CCZ1B: variants seen among roughly 807,000 people sequenced by gnomAD.
CCZ1B encodes CCZ1B vacuolar protein trafficking and biogenesis associated.
CCZ1B carries 25 observed loss-of-function variants against 58.8 expected under a neutral mutation model. The observed-to-expected ratio is 0.43, with a 90% CI of 0.31 to 0.59. The LOEUF (loss-of-function observed/expected upper bound fraction) is 0.59. Among genes scored for constraint, CCZ1B ranks in the 20% least tolerant of loss-of-function variants. The pLI, the probability that CCZ1B is intolerant of heterozygous loss-of-function variation, is 0.12. For synonymous variants in CCZ1B, 66 were observed against 173.2 expected (o/e 0.38, Z 4.86); for missense variants, 180 against 501.5 (o/e 0.36, Z 6.12).
Position 6,818,589 on chromosome 7 carries a change from CAGACAGAA to C in CCZ1B, c.698+1169_698+1176del, listed in dbSNP as rs1253688651. Among the ~76,000 whole-genome samples, 737 of 109,294 alleles carry C rather than the reference CAGACAGAA, an allele frequency of 6.7e-3. 71 individuals carry two copies. Among genetic ancestry groups the C allele is most frequent in the African/African-American group, 0.025 (699 of 27,896 alleles). 71.7% of individuals were successfully genotyped at this position (109,294 alleles called of 152,430 possible). A position where few individuals can be genotyped will look rare whatever the true frequency, so the allele number is the denominator to read the frequency against. ...ACAGAAAGAAAGACAGAAAGAAAGA[CAGACAGAA>C]AGAAAGAAAGAAAGAAAGACAAGAA... On this transcript the variant is annotated intron_variant, in intron 7 of 14. Transcript: ENST00000316731.
intron 7 of CCZ1B, among the ~76,000 whole-genome samples, chr7:6,819,459 C>T (rs1212357346): frequency 6.7e-6 from 1 of 149,016 alleles, no homozygotes; most frequent in Non-Finnish European, 1.5e-5. Flanking sequence ...TGGTCTCCAA[C>T]TCCTGACCTC....
intron 7 of CCZ1B, among the ~76,000 whole-genome samples, chr7:6,815,385 A>C (rs1211331498): frequency 6.7e-6 from 1 of 148,640 alleles, no homozygotes; most frequent in East Asian, 1.9e-4. Context: ...CTGGTTTCGA[A>C]CTCCTGGACT....
intron 7 of CCZ1B, among the ~76,000 whole-genome samples, chr7:6,817,354 C>T (rs1224366523): frequency 6.6e-6 from 1 of 151,302 alleles, no homozygotes; most frequent in Non-Finnish European, 1.5e-5. Context: ...AGCCTTCCCT[C>T]TTCCTCACTC....
At chr7:6,819,428 G>A (rs540061996) in intron 7 of CCZ1B, among the ~76,000 whole-genome samples, 1 of 148,638 alleles carries the variant, frequency 6.7e-6, no homozygotes, top group East Asian at 1.9e-4. Context: ...TAGAGACAGG[G>A]TTTCACTATG....
rs142195264 is a variant in CCZ1B at position 6,819,913 on chromosome 7, C to T, written c.551G>A (p.Cys184Tyr). The change falls in exon 7 of 15, where the codon TGT becomes TAT. Residue 184 changes from cysteine (C) to tyrosine (Y), a missense_variant. By Grantham distance (194) the Cys-to-Tyr change is radical. Transcript: ENST00000316731. ...TCCACCAAAAATGTCAAGTAGGTCA[C>T]ATGACTGCAAATGTAGCGTTTGCAA... Reference protein sequence around the residue: ...RYLQTLHLQSCDLLDIFGGIS... With the variant: ...RYLQTLHLQSYDLLDIFGGIS... 249 of 1,605,536 alleles carry T rather than the reference C, an allele frequency of 1.6e-4. 17 individuals carry two copies. In the African/African-American group the frequency reaches 3.2e-3, roughly 20 times the overall value.
intron 9 of CCZ1B, chr7:6,812,349 T>C (rs1280377325): frequency 5.1e-6 from 2 of 389,102 alleles, no homozygotes; most frequent in South Asian, 2.3e-5. Context: ...ATTAGCTGGT[T>C]CTGGTGGTGG....
At position 6,820,024 on chromosome 7, in the gene CCZ1B, C is replaced by T. The variant is rs535052034; in HGVS notation, c.523-83G>A. 2.9e-4 allele frequency: 367 copies of T among 1,262,808 alleles called. 2 individuals carry two copies. In the East Asian group the frequency reaches 8.0e-3, roughly 28 times the overall value. 78.2% of individuals were successfully genotyped at this position (1,262,808 alleles called of 1,614,324 possible). ...TTGATAACTGAAAATAATCTTATGT[C>T]AGACTCACATTTATGGTACAATTAC... On this transcript the variant is annotated intron_variant, in intron 6 of 14. Transcript: ENST00000316731.
At chr7:6,816,027 G>A (rs1171048275) in intron 7 of CCZ1B, among the ~76,000 whole-genome samples, 1 of 147,022 alleles carries the variant, frequency 6.8e-6, no homozygotes, top group Non-Finnish European at 1.5e-5. Flanking sequence ...AGAAAAACAA[G>A]CTTTCAGGCA....
intron 7 of CCZ1B, among the ~76,000 whole-genome samples, chr7:6,817,337 T>A (rs1029479940): frequency 6.6e-6 from 1 of 151,418 alleles, no homozygotes; most frequent in Non-Finnish European, 1.5e-5. Context: ...GAAGACCCTC[T>A]GCTCTAAGCC....
chr7:6,813,740 A>C (rs1455529915), intron 8 of CCZ1B, among the ~76,000 whole-genome samples: 1 of 149,656 alleles, frequency 6.7e-6, no homozygotes, highest in East Asian at 1.9e-4. Context: ...CCAGGTAGGC[A>C]CTAAAACATC....
chr7:6,824,129 T>C lies in CCZ1B; in HGVS notation c.350A>G (p.Asp117Gly), dbSNP rs1247514712. ...TTGATATTCAATAACTGGTTTTCCA[T>C]CTTTACTCTGTTTTTCAATTATAGG... ...RNPIIEKQSK[D>G]GKPVIEYQEE... Residue 117 changes from aspartate (D) to glycine (G), a missense_variant, in exon 4 of 15, where the codon GAT (aspartate) becomes GGT (glycine). Physicochemically the swap from Asp to Gly is moderately conservative, Grantham distance 94. Coordinates refer to ENST00000316731, the MANE Select transcript of CCZ1B (RefSeq NM_198097.5). 5 of 1,495,720 alleles carry C rather than the reference T, an allele frequency of 3.3e-6. No individual in the cohort carries two copies. The highest frequency in any genetic ancestry group is 4.5e-6 in the Non-Finnish European group (5 of 1,111,800). The allele number at this position is 1,495,720 out of a possible 1,614,324, so 92.7% of individuals were successfully genotyped here.
chr7:6,817,943 G>A (rs1583554856), intron 7 of CCZ1B, among the ~76,000 whole-genome samples: 2 of 148,842 alleles, frequency 1.3e-5, no homozygotes, highest in South Asian at 4.3e-4. Context: ...GGCAGGGGTT[G>A]CAGCAAGCCA....
intron 7 of CCZ1B, among the ~76,000 whole-genome samples, chr7:6,817,720 GA>G (rs1783028913): frequency 6.7e-6 from 1 of 149,816 alleles, no homozygotes; most frequent in Non-Finnish European, 1.5e-5. Flanking sequence ...TGTCAAATTA[GA>G]AAGTAGGTGG....
chr7:6,822,735 G>GCT (rs10677697), intron 5 of CCZ1B, among the ~76,000 whole-genome samples: 43,038 of 107,582 alleles, frequency 0.4, 9,560 homozygotes, highest in South Asian at 0.73. Context: ...ATGGAATCTC[G>GCT]CTGTTGCCCA....
intron 6 of CCZ1B, among the ~76,000 whole-genome samples, chr7:6,821,080 C>G (rs1235102140): frequency 1.4e-5 from 2 of 146,856 alleles, no homozygotes; most frequent in Admixed American, 1.3e-4. Flanking sequence ...GCGATCTCGG[C>G]TCACTGCAAC....
In CCZ1B at chr7:6,819,915, T is replaced by G. The variant is rs1298385309; in HGVS notation, c.549A>C (p.Ser183=). The change falls in exon 7 of 15, where the codon TCA becomes TCC. Residue 183 remains serine (S), a synonymous_variant. Transcript: ENST00000316731. ...CACCAAAAATGTCAAGTAGGTCACA[T>G]GACTGCAAATGTAGCGTTTGCAAAT... ...HRYLQTLHLQ[S]CDLLDIFGGI... 3 of 1,605,822 alleles carry G rather than the reference T, an allele frequency of 1.9e-6. No individual in the cohort carries two copies. Among genetic ancestry groups the G allele is most frequent in the East Asian group, 4.5e-5 (2 of 44,856 alleles).
In CCZ1B at chr7:6,824,674, C is replaced by T. The variant is rs1161177839; in HGVS notation, c.184G>A (p.Val62Ile). Residue 62 changes from valine to isoleucine, a missense_variant, in exon 2 of 15, where the codon GTC becomes ATC. Physicochemically the swap from Val to Ile is conservative, Grantham distance 29 (BLOSUM62 3). Transcript: ENST00000316731. Reference sequence around the variant, plus strand: ...TGTACAATAGCTTCACACAATCCGACATTTCTAATCTTCTCATTCTTTTCT... The same window carrying T: ...TGTACAATAGCTTCACACAATCCGATATTTCTAATCTTCTCATTCTTTTCT... ...EVEKNEKIRN[V>I]GLCEAIVQFT... 1 of 1,610,248 alleles carries T rather than the reference C, an allele frequency of 6.2e-7. No individual in the cohort carries two copies. Among genetic ancestry groups the T allele is most frequent in the Non-Finnish European group, 8.5e-7 (1 of 1,179,212 alleles).
At chr7:6,819,985 G>C (rs1361753078) in intron 6 of CCZ1B, 44 bp from the exon 7 acceptor site, 2 of 1,517,606 alleles carry the variant, frequency 1.3e-6, no homozygotes, top group Admixed American at 1.8e-5. Flanking sequence ...ATAGTACACT[G>C]AATATAATGC....
chr7:6,817,529 C>T lies in CCZ1B; in HGVS notation c.698+2237G>A, dbSNP rs143359878. Among the ~76,000 whole-genome samples, 17 of 149,870 alleles carry T rather than the reference C, an allele frequency of 1.1e-4. No homozygotes were observed. The East Asian group carries it at 2.5e-3, about 22-fold the overall frequency. ...CGTGGCTGCGTGTGATTTGCAAGCA[C>T]GTCCTGTCATTTCCATCTGTGGAGG... On this transcript the variant is annotated intron_variant, in intron 7 of 14. Transcript: ENST00000316731.
Sources: allele counts gnomAD v4.1 joint callset (sites outside exome capture counted in the v4.1 genomes callset), GRCh38; gene constraint gnomAD v4.1.1; transcripts MANE v1.5; gene names NCBI Gene and HGNC (gene_info 2026-07-23, HGNC 2026-07-21).